Variants in CTNNA3 observed in about 807,000 individuals in gnomAD.
The protein encoded by CTNNA3 is catenin alpha-3.
Under a neutral mutation model 95.7 loss-of-function variants are expected in CTNNA3, and 76 were observed. The ratio of observed to expected loss-of-function variants is 0.79; its 90% CI spans 0.66 to 0.96. The LOEUF is 0.96. CTNNA3 is among the 40% of genes least tolerant of loss of function. The pLI, the probability that CTNNA3 is intolerant of heterozygous loss-of-function variation, is 0.00. For synonymous variants in CTNNA3, 431 were observed against 374.4 expected, an observed-to-expected ratio of 1.15 and a Z score of -1.74; for missense variants, 1,191 against 1,089.8, an observed-to-expected ratio of 1.09 and a Z score of -1.31.
intron 12 of CTNNA3, among the ~76,000 whole-genome samples, chr10:66,337,319 A>G (rs1437687449): frequency 6.6e-6 from 1 of 152,150 alleles, no homozygotes; most frequent in Non-Finnish European, 1.5e-5. Context: ...TAGAATTACT[A>G]CTTTTAAGCA....
At chr10:66,174,868 T>C (rs1304828996) in intron 13 of CTNNA3, among the ~76,000 whole-genome samples, 1 of 152,140 alleles carries the variant, frequency 6.6e-6, no homozygotes, top group African/African-American at 2.4e-5. Context: ...AGCATGAACT[T>C]TGTTACATTT....
chr10:67,757,157 AG>A (rs374314363), intron 1 of CTNNA3, among the ~76,000 whole-genome samples: 2 of 152,330 alleles, frequency 1.3e-5, no homozygotes, highest in African/African-American at 4.8e-5. Flanking sequence ...ATCTAGTTCT[AG>A]GGGGAAAAAC....
chr10:67,620,341 G>T (rs974966421), intron 2 of CTNNA3, among the ~76,000 whole-genome samples: 1 of 151,988 alleles, frequency 6.6e-6, no homozygotes, highest in Non-Finnish European at 1.5e-5. Flanking sequence ...CCAGCCACTC[G>T]GCAGGCACTA....
At chr10:67,095,885 A>C (rs1040915948) in intron 7 of CTNNA3, among the ~76,000 whole-genome samples, 1 of 151,874 alleles carries the variant, frequency 6.6e-6, no homozygotes, top group African/African-American at 2.4e-5. Flanking sequence ...AATGTATTTT[A>C]GTTATCTGGG....
intron 7 of CTNNA3, among the ~76,000 whole-genome samples, chr10:66,826,111 T>G (rs1842500504): frequency 6.6e-6 from 1 of 152,178 alleles, no homozygotes; most frequent in Admixed American, 6.5e-5. Flanking sequence ...TAGGAAAATT[T>G]AGGGGTGTTC....
At chr10:66,616,719 C>T (rs1326172707) in intron 10 of CTNNA3, among the ~76,000 whole-genome samples, 1 of 151,984 alleles carries the variant, frequency 6.6e-6, no homozygotes, top group Non-Finnish European at 1.5e-5. Flanking sequence ...AATAGAAACT[C>T]AGGGCCACCC....
intron 5 of CTNNA3, among the ~76,000 whole-genome samples, chr10:67,436,008 A>G (rs1846288773): frequency 6.6e-6 from 1 of 152,186 alleles, no homozygotes; most frequent in Non-Finnish European, 1.5e-5. Context: ...AAGAGCCTGC[A>G]TAGCCAAAGC....
At chr10:67,033,381 T>A (rs978732449) in intron 7 of CTNNA3, among the ~76,000 whole-genome samples, 4 of 152,156 alleles carry the variant, frequency 2.6e-5, no homozygotes, top group Non-Finnish European at 4.4e-5. Flanking sequence ...TCTCGATGCT[T>A]CTCTCCCATC....
intron 5 of CTNNA3, among the ~76,000 whole-genome samples, chr10:67,370,979 GC>G (rs1843419799): frequency 6.8e-6 from 1 of 148,142 alleles, no homozygotes. Flanking sequence ...CCATTCTCCT[GC>G]CTCAGCCTCC....
In CTNNA3 at chr10:67,467,938, T is replaced by C. The variant is rs573507564; in HGVS notation, c.579+53904A>G. Among the ~76,000 whole-genome samples, 9 of 152,070 alleles carry C rather than the reference T, an allele frequency of 5.9e-5. No homozygotes were observed. In the East Asian group the frequency reaches 7.7e-4, roughly 13 times the overall value. ...GTTGCCCACGCTGGTCTCAAACTCC[T>C]GGGCTCAAGCAATCTGCCATCCTCA... is the stretch of plus-strand genomic sequence containing the variant. On this transcript the variant is annotated intron_variant, in intron 5 of 17. Transcript: ENST00000433211.
chr10:67,250,023 T>G (rs1039264058), intron 5 of CTNNA3, among the ~76,000 whole-genome samples: 1 of 152,238 alleles, frequency 6.6e-6, no homozygotes, highest in South Asian at 2.1e-4. Context: ...GTAAATGCCA[T>G]GTAAATAGTT....
chr10:66,440,926 A>G (rs529766619), intron 11 of CTNNA3, among the ~76,000 whole-genome samples: 1 of 152,310 alleles, frequency 6.6e-6, no homozygotes, highest in South Asian at 2.1e-4. Context: ...AATTCCAACA[A>G]TGTGATGTTT....
In CTNNA3 at chr10:66,761,224, C is replaced by T. The variant is rs772101263; in HGVS notation, c.1281+5040G>A. The stretch of plus-strand genomic sequence containing the variant: ...GGCACTGGGGCTTTGCTAAATAGGG[C>T]TCACCATTTTGCGAGTGGGAACAAT... On this transcript the variant is annotated intron_variant, in intron 9 of 17. Coordinates refer to ENST00000433211, the MANE Select transcript of CTNNA3 (RefSeq NM_013266.4). 5.3e-5 allele frequency among the ~76,000 whole-genome samples: 8 copies of T among 152,008 alleles called. 1 individual carries two copies. Among genetic ancestry groups the T allele is most frequent in the Non-Finnish European group, 8.8e-5 (6 of 67,972 alleles).
intron 7 of CTNNA3, among the ~76,000 whole-genome samples, chr10:66,858,805 CTA>C (rs1843787152): frequency 2.0e-5 from 3 of 151,686 alleles, no homozygotes; most frequent in East Asian, 3.9e-4. Flanking sequence ...AGCTAGTGGC[CTA>C]TGTTATCTAT....
chr10:66,973,671 T>C (rs1016870374), intron 7 of CTNNA3, among the ~76,000 whole-genome samples: 13 of 152,216 alleles, frequency 8.5e-5, no homozygotes, highest in African/African-American at 3.1e-4. Flanking sequence ...TCACCCCAGC[T>C]GGAGTACAGT....
intron 9 of CTNNA3, among the ~76,000 whole-genome samples, chr10:66,745,255 C>T (rs1254294022): frequency 1.3e-5 from 2 of 152,134 alleles, no homozygotes; most frequent in African/African-American, 4.8e-5. Context: ...CACATAGGTT[C>T]TAAATATTTT....
At chr10:66,382,258 C>T (rs1054423102) in intron 11 of CTNNA3, among the ~76,000 whole-genome samples, 1 of 152,178 alleles carries the variant, frequency 6.6e-6, no homozygotes, top group Non-Finnish European at 1.5e-5. Flanking sequence ...GTTTTAGCAA[C>T]CAGCAGAAAA....
intron 5 of CTNNA3, among the ~76,000 whole-genome samples, chr10:67,299,022 C>A (rs113574434): frequency 0.024 from 3,589 of 152,144 alleles, 73 homozygotes; most frequent in Middle Eastern, 0.048. Flanking sequence ...TCTCAGCCTC[C>A]CAAGTAGCTG....
chr10:67,511,380 AG>A (rs1287513300), intron 5 of CTNNA3, among the ~76,000 whole-genome samples: 4 of 152,132 alleles, frequency 2.6e-5, no homozygotes, highest in African/African-American at 9.7e-5. Context: ...ATCAATACCT[AG>A]TTTATTGAGA....
Sources: allele counts gnomAD v4.1 joint callset (sites outside exome capture counted in the v4.1 genomes callset), GRCh38; gene constraint gnomAD v4.1.1; transcripts MANE v1.5; gene names NCBI Gene and HGNC (gene_info 2026-07-23, HGNC 2026-07-21).